Variants in SPOCK3 observed in about 807,000 individuals in gnomAD.
SPOCK3 encodes testican-3.
In SPOCK3, 30 loss-of-function variants were observed where a neutral mutation model predicts 56.6. The ratio of observed to expected loss-of-function variants is 0.53; its 90% CI spans 0.40 to 0.72. The LOEUF is 0.72. SPOCK3 is among the 30% of genes least tolerant of loss of function. SPOCK3 has a pLI of 0.00. For synonymous variants in SPOCK3, 196 were observed against 183.3 expected (o/e 1.07, Z -0.56); for missense variants, 527 against 530.0 (o/e 0.99, Z 0.06).
chr4:167,180,841 TAC>T (rs1731392595), intron 2 of SPOCK3, among the ~76,000 whole-genome samples: 1 of 152,166 alleles, frequency 6.6e-6, no homozygotes, highest in African/African-American at 2.4e-5. Flanking sequence ...AAGCATATGT[TAC>T]AGACAAATTT....
chr4:166,794,392 G>C (rs1741682386), intron 6 of SPOCK3, among the ~76,000 whole-genome samples: 1 of 151,894 alleles, frequency 6.6e-6, no homozygotes, highest in Non-Finnish European at 1.5e-5. Context: ...ACTTGTGTAA[G>C]CGTCACATAT....
chr4:167,177,878 C>T (rs913866172), intron 2 of SPOCK3, among the ~76,000 whole-genome samples: 2 of 152,080 alleles, frequency 1.3e-5, no homozygotes, highest in Non-Finnish European at 2.9e-5. Context: ...ATTGTCAGTC[C>T]AGCTCCTACC....
intron 4 of SPOCK3, among the ~76,000 whole-genome samples, chr4:166,945,811 A>C (rs1036631679): frequency 4.6e-5 from 7 of 152,162 alleles, no homozygotes; most frequent in Non-Finnish European, 1.0e-4. Context: ...AGGATCACAC[A>C]GGTGTAGTTT....
intron 2 of SPOCK3, among the ~76,000 whole-genome samples, chr4:167,082,551 C>T (rs867401274): frequency 6.6e-6 from 1 of 151,930 alleles, no homozygotes; most frequent in Non-Finnish European, 1.5e-5. Context: ...CAAGGACATA[C>T]GAGCAGGCAA....
chr4:167,176,052 G>A (rs867961781), intron 2 of SPOCK3, among the ~76,000 whole-genome samples: 1 of 152,036 alleles, frequency 6.6e-6, no homozygotes, highest in Non-Finnish European at 1.5e-5. Context: ...TGCTATCCTT[G>A]CTTTTTTTAG....
chr4:167,067,857 G>T (rs1756312656), intron 2 of SPOCK3, among the ~76,000 whole-genome samples: 1 of 151,530 alleles, frequency 6.6e-6, no homozygotes, highest in Admixed American at 6.6e-5. Context: ...AATTCACAGG[G>T]TCCCAATTGA....
intron 4 of SPOCK3, among the ~76,000 whole-genome samples, chr4:166,933,533 AG>A (rs1740034727): frequency 6.6e-6 from 1 of 152,164 alleles, no homozygotes; most frequent in Admixed American, 6.5e-5. Context: ...CTTTCCAAAT[AG>A]GAAATTTATC....
chr4:166,749,925 T>A (rs1736161772), intron 8 of SPOCK3, among the ~76,000 whole-genome samples: 1 of 152,150 alleles, frequency 6.6e-6, no homozygotes. Context: ...GTTCTTCTAG[T>A]TGCAATTGGC....
chr4:166,846,558 C>T (rs1304590323), intron 6 of SPOCK3, among the ~76,000 whole-genome samples: 1 of 152,028 alleles, frequency 6.6e-6, no homozygotes, highest in African/African-American at 2.4e-5. Context: ...CAAACCAAAA[C>T]ATCATTGGTC....
chr4:166,834,049 A>G (rs1746361733), intron 6 of SPOCK3, among the ~76,000 whole-genome samples: 1 of 152,184 alleles, frequency 6.6e-6, no homozygotes, highest in African/African-American at 2.4e-5. Flanking sequence ...CTCCTCCCCA[A>G]GAATCAAGAG....
In SPOCK3 at chr4:166,795,261, A is replaced by G. The variant is rs1741807389; in HGVS notation, c.590-2972T>C. Among the ~76,000 whole-genome samples, 13 of 152,292 alleles carry G rather than the reference A, an allele frequency of 8.5e-5. No homozygotes were observed. In the South Asian group the frequency reaches 2.7e-3, roughly 32 times the overall value. On this transcript the variant is annotated intron_variant, in intron 6 of 10. Coordinates refer to ENST00000357545, the MANE Select transcript of SPOCK3 (RefSeq NM_001040159.2). ...AAAACAATTTCTATTATTTCAAATT[A>G]ACATCTTTTCCTACCAAAAAACCGT... is the stretch of plus-strand genomic sequence containing the variant.
At chr4:166,780,723 G>A (rs1428969967) in intron 7 of SPOCK3, among the ~76,000 whole-genome samples, 3 of 152,084 alleles carry the variant, frequency 2.0e-5, no homozygotes, top group South Asian at 2.1e-4. Context: ...TCCTACCTTT[G>A]AGATTCAGAT....
At chr4:166,957,033 C>A (rs903168249) in intron 4 of SPOCK3, among the ~76,000 whole-genome samples, 1 of 152,118 alleles carries the variant, frequency 6.6e-6, no homozygotes, top group Non-Finnish European at 1.5e-5. Flanking sequence ...ACAAGCAGAT[C>A]CCTTGAGTCC....
At chr4:167,021,470 T>C (rs76896508) in intron 3 of SPOCK3, among the ~76,000 whole-genome samples, 3,738 of 152,096 alleles carry the variant, frequency 0.025, 164 homozygotes, top group African/African-American at 0.085. Context: ...CTCTTATTTC[T>C]TCCCAGTCAA....
At position 166,912,535 on chromosome 4, in the gene SPOCK3, T is replaced by C. The variant is rs539864150; in HGVS notation, c.474+85A>G. 2.8e-5 allele frequency: 35 copies of C among 1,267,738 alleles called. No homozygotes were observed. The East Asian group carries it at 8.0e-4, about 29-fold the overall frequency. 78.5% of individuals were successfully genotyped at this position (1,267,738 alleles called of 1,614,324 possible). On this transcript the variant is annotated intron_variant, in intron 5 of 10. Transcript: ENST00000357545. ...TAAGTTAAATGAATAATTTGAATTATCACATTGGATAAGCAATGGTTTTAA... is the reference window on the plus strand; with the variant it reads ...TAAGTTAAATGAATAATTTGAATTACCACATTGGATAAGCAATGGTTTTAA...
intron 4 of SPOCK3, among the ~76,000 whole-genome samples, chr4:166,942,966 C>T (rs145305320): frequency 2.2e-4 from 33 of 152,210 alleles, no homozygotes; most frequent in African/African-American, 7.5e-4. Flanking sequence ...AAAATGTGTG[C>T]ATATATTCTG....
At chr4:166,904,576 T>C (rs1579599096) in intron 5 of SPOCK3, among the ~76,000 whole-genome samples, 2 of 152,012 alleles carry the variant, frequency 1.3e-5, no homozygotes, top group Non-Finnish European at 2.9e-5. Context: ...TACATATGAA[T>C]AACATTATAT....
chr4:167,085,540 T>C (rs574955324), intron 2 of SPOCK3, among the ~76,000 whole-genome samples: 4 of 152,170 alleles, frequency 2.6e-5, no homozygotes, highest in Non-Finnish European at 5.9e-5. Context: ...GTAATTTTTC[T>C]TTTAATGAGG....
chr4:166,983,451 A>G (rs1370754163), intron 4 of SPOCK3, among the ~76,000 whole-genome samples: 1 of 151,862 alleles, frequency 6.6e-6, no homozygotes, highest in Non-Finnish European at 1.5e-5. Context: ...TTGTTCCTTG[A>G]CTTTTTTCAC....
Sources: gnomAD v4.1 joint callset for allele counts (sites outside exome capture counted in the v4.1 genomes callset) on GRCh38, gnomAD v4.1.1 for gene constraint, MANE v1.5 for transcripts, NCBI Gene and HGNC (gene_info 2026-07-23, HGNC 2026-07-21) for gene names.